TMEM132A: variants seen among roughly 807,000 people sequenced by gnomAD.
The protein encoded by TMEM132A is GRP78-binding protein.
A neutral mutation model predicts 69.9 loss-of-function variants in TMEM132A; 48 were observed. That is an observed-to-expected ratio of 0.69 (90% CI 0.55 to 0.87). The LOEUF (loss-of-function observed/expected upper bound fraction) is 0.87. Ranked by LOEUF, TMEM132A falls within the 40% of genes least tolerant of loss-of-function variation. TMEM132A has a pLI of 0.00. For synonymous variants in TMEM132A, 577 were observed against 613.7 expected (o/e 0.94, Z 0.88); for missense variants, 1,287 against 1,407.2 (o/e 0.91, Z 1.37).
intron 8 of TMEM132A, 139 bp from the exon 9 acceptor site, chr11:60,934,349 G>T (rs937964690): frequency 1.3e-6 from 1 of 774,548 alleles, no homozygotes; most frequent in Non-Finnish European, 1.8e-6. Flanking sequence ...CAAGAGGGGC[G>T]GATGTCTGCG....
At chr11:60,928,054 G>T (rs1221026578) in intron 3 of TMEM132A, among the ~76,000 whole-genome samples, 195 bp downstream of exon 3, 2 of 152,212 alleles carry the variant, frequency 1.3e-5, no homozygotes, top group Non-Finnish European at 1.5e-5. Context: ...AGTCCTTGGT[G>T]TGTGACTTTG....
chr11:60,933,607 AG>A lies in TMEM132A; in HGVS notation c.1423del (p.Val475TrpfsTer14). On this transcript the variant is annotated frameshift_variant, in exon 8 of 11. Transcript: ENST00000453848. LOFTEE classifies it high-confidence loss of function. The stretch of plus-strand genomic sequence containing the variant: ...AGAGCCGGGGCGCCCGGGGGGTGCG[AG>A]TGGACTTCTGGTGGCGCCGGCTCCG... ...KESRGARGVR[V>X]DFWWRRLRAS... is the part of the protein sequence containing the mutation. 3.1e-6 allele frequency: 5 copies of A among 1,606,902 alleles called. No individual in the cohort carries two copies. The highest frequency in any genetic ancestry group is 4.2e-6 in the Non-Finnish European group (5 of 1,179,310).
At position 60,935,078 on chromosome 11, in the gene TMEM132A, A is replaced by G. The variant is rs1055171603; in HGVS notation, c.1837-174A>G. ...GGGGTGCAAAGAGTAGAGGGATAGT[A>G]GCCCATGAGCCTGCTGGGAGTACCC... On this transcript the variant is annotated intron_variant, in intron 9 of 10. Coordinates refer to ENST00000453848, the MANE Select transcript of TMEM132A (RefSeq NM_178031.3). This position sits in a 1 kb window ranked among gnomAD's most constrained non-coding sequence, Gnocchi z 5.0. Among the ~76,000 whole-genome samples the G allele has an allele frequency of 2.0e-5, 3 of 152,002 alleles. No homozygotes were observed. Among genetic ancestry groups the G allele is most frequent in the Non-Finnish European group, 4.4e-5 (3 of 67,986 alleles).
chr11:60,934,960 A>G (rs895266849), intron 9 of TMEM132A, among the ~76,000 whole-genome samples, 196 bp downstream of exon 9: 1 of 152,140 alleles, frequency 6.6e-6, no homozygotes, highest in Non-Finnish European at 1.5e-5. Flanking sequence ...CCCTCTAGCT[A>G]TGAAGGGCTG....
chr11:60,929,418 T>C (rs1856427645), intron 4 of TMEM132A, among the ~76,000 whole-genome samples: 1 of 152,214 alleles, frequency 6.6e-6, no homozygotes, highest in African/African-American at 2.4e-5. Context: ...GAGCTTGCTC[T>C]TCCCCATAGG....
chr11:60,927,903 A>C (rs575955), intron 3 of TMEM132A, 44 bp downstream of exon 3: 1 of 1,542,712 alleles, frequency 6.5e-7, no homozygotes, highest in Non-Finnish European at 8.8e-7. Flanking sequence ...CTGCAGCTGC[A>C]TCAGCCAGGT....
rs774467088 is a variant in TMEM132A at position 60,928,974 on chromosome 11, C to T, written c.866+14C>T. 1 of 1,611,010 alleles carries T rather than the reference C, an allele frequency of 6.2e-7. No individual in the cohort carries two copies. Among genetic ancestry groups the T allele is most frequent in the African/African-American group, 1.3e-5 (1 of 74,940 alleles). Reference sequence around the variant, plus strand: ...CCTGACCCTGCGGTGAGCACCAGGCCACGGGGATGGGTGAGGGTGGGAACC... The same window carrying T: ...CCTGACCCTGCGGTGAGCACCAGGCTACGGGGATGGGTGAGGGTGGGAACC... On this transcript the variant is annotated intron_variant, in intron 4 of 10. Coordinates refer to ENST00000453848, the MANE Select transcript of TMEM132A (RefSeq NM_178031.3).
chr11:60,934,840 T>C (rs985629994), intron 9 of TMEM132A, 76 bp downstream of exon 9: 15 of 1,437,112 alleles, frequency 1.0e-5, no homozygotes, highest in African/African-American at 2.8e-5. Flanking sequence ...TGGGTGGGAG[T>C]GAAGAGTGTG....
Position 60,935,296 on chromosome 11 carries a change from G to C in TMEM132A, c.1881G>C (p.Leu627=). The C allele has an allele frequency of 6.2e-7, 1 of 1,612,788 alleles. No individual in the cohort carries two copies. The highest frequency in any genetic ancestry group is 8.5e-7 in the Non-Finnish European group (1 of 1,179,714). The stretch of plus-strand genomic sequence containing the variant: ...ACTCCATCCTGGGGGAGCAGGCGCT[G>C]GCTGTGACGGACGACAAGGTCTCAG... ...LSDSILGEQA[L]AVTDDKVSVL... is the part of the protein sequence containing the mutation. The change falls in exon 10 of 11, where the codon CTG becomes CTC. Residue 627 remains leucine (L), a synonymous_variant. Transcript: ENST00000453848. The surrounding 1 kb of genome is among the most constrained non-coding windows in gnomAD (Gnocchi z 5.0).
Position 60,927,648 on chromosome 11 carries a change from C to T in TMEM132A, c.323C>T (p.Pro108Leu), listed in dbSNP as rs746155825. 2 of 1,610,710 alleles carry T rather than the reference C, an allele frequency of 1.2e-6. No individual in the cohort carries two copies. The highest frequency in any genetic ancestry group is 1.7e-6 in the Non-Finnish European group (2 of 1,179,180). ...YPPFATQQVVPPRVTEPHQRP... is the reference protein window; with the variant it reads ...YPPFATQQVVLPRVTEPHQRP... The stretch of plus-strand genomic sequence containing the variant: ...CTCTCATTCTCCCTCCAGGTGGTCC[C>T]CCCTCGAGTCACTGAGCCCCACCAA... The change falls in exon 3 of 11, where the codon CCC becomes CTC. Residue 108 changes from proline to leucine, a missense_variant. Coordinates refer to ENST00000453848, the MANE Select transcript of TMEM132A (RefSeq NM_178031.3).
At chr11:60,927,029 T>C in intron 1 of TMEM132A, 175 bp from the exon 2 acceptor site, 1 of 670,562 alleles carries the variant, frequency 1.5e-6, no homozygotes, top group South Asian at 1.6e-5. Context: ...ACTACCTGTG[T>C]GAGGCTCTTT....
At chr11:60,934,786 G>A (rs1856553537) in intron 9 of TMEM132A, 22 bp downstream of exon 9, 2 of 1,578,484 alleles carry the variant, frequency 1.3e-6, no homozygotes, top group African/African-American at 1.3e-5. Flanking sequence ...GGGACCAGGA[G>A]AGTAGACCCC....
intron 5 of TMEM132A, 42 bp downstream of exon 5, chr11:60,930,701 C>G (rs1856460552): frequency 1.3e-6 from 2 of 1,571,694 alleles, no homozygotes; most frequent in Non-Finnish European, 1.7e-6. Context: ...GGAGGGAGGG[C>G]TGGTTATAGA....
chr11:60,927,621 C>T lies in TMEM132A; in HGVS notation c.316-20C>T, dbSNP rs1229054028. 6.3e-7 allele frequency: 1 copy of T among 1,593,748 alleles called. No individual in the cohort carries two copies. Among genetic ancestry groups the T allele is most frequent in the Non-Finnish European group, 8.6e-7 (1 of 1,169,318 alleles). On this transcript the variant is annotated intron_variant, in intron 2 of 10. Coordinates refer to ENST00000453848, the MANE Select transcript of TMEM132A (RefSeq NM_178031.3). ...CCTCCCAAGCTCCTCTTTTGTTAAG[C>T]CCTCTCATTCTCCCTCCAGGTGGTC...
At chr11:60,932,268 G>C (rs79290984) in intron 7 of TMEM132A, 141 bp downstream of exon 7, 23,952 of 1,030,582 alleles carry the variant, frequency 0.023, 359 homozygotes, top group Middle Eastern at 0.061. Flanking sequence ...AGGAACCACA[G>C]CTTCAACTTC....
In TMEM132A at chr11:60,935,605, A is replaced by G; in HGVS notation, c.2028+162A>G. ...GAGCTCTCTGCAGCTGGAGGTGATC[A>G]AGCAGTGGCTGGAGTATGGCAGTGG... On this transcript the variant is annotated intron_variant, in intron 10 of 10. Transcript: ENST00000453848. The surrounding 1 kb of genome is among the most constrained non-coding windows in gnomAD (Gnocchi z 5.0). The G allele has an allele frequency of 2.4e-6, 2 of 843,618 alleles. No individual in the cohort carries two copies. Among genetic ancestry groups the G allele is most frequent in the Non-Finnish European group, 3.6e-6 (2 of 554,356 alleles). The allele number at this position is 843,618 out of a possible 1,614,324, so 52.3% of individuals were successfully genotyped here.
In TMEM132A at chr11:60,930,959, C is replaced by T. The variant is rs555815213; in HGVS notation, c.1016+300C>T. Among the ~76,000 whole-genome samples the T allele has an allele frequency of 4.1e-4, 62 of 152,198 alleles. 1 individual carries two copies. Among genetic ancestry groups the T allele is most frequent in the Non-Finnish European group, 7.1e-4 (48 of 68,036 alleles). On this transcript the variant is annotated intron_variant, in intron 5 of 10. Coordinates refer to ENST00000453848, the MANE Select transcript of TMEM132A (RefSeq NM_178031.3). ...AGCCCTCATAGCCACTACTCCATCC[C>T]CCTGCTTCCACCAAATGATCCTTTC...
chr11:60,931,854 G>T lies in TMEM132A; in HGVS notation c.1182G>T (p.Arg394=). The change falls in exon 6 of 11, where the codon CGG becomes CGT. Residue 394 remains arginine, a synonymous_variant. Transcript: ENST00000453848. ...TGTGGGAAATCCTGGTGTCTGAGCG[G>T]GACATCAGAGCCCTTATCCCACTGG... ...KMVWEILVSE[R]DIRALIPLAK... 1 of 1,614,240 alleles carries T rather than the reference G, an allele frequency of 6.2e-7. No homozygotes were observed. Among genetic ancestry groups the T allele is most frequent in the East Asian group, 2.2e-5 (1 of 44,882 alleles).
At chr11:60,930,425 GCTT>G in intron 4 of TMEM132A, 82 bp from the exon 5 acceptor site, 1 of 1,463,392 alleles carries the variant, frequency 6.8e-7, no homozygotes, top group Non-Finnish European at 9.1e-7. Flanking sequence ...AGGTCAGATG[GCTT>G]TGGCTCCTTG....
Sources: allele counts gnomAD v4.1 joint callset (sites outside exome capture counted in the v4.1 genomes callset), GRCh38; gene constraint gnomAD v4.1.1; non-coding constraint Gnocchi (gnomAD v3.1); transcripts MANE v1.5; gene names NCBI Gene and HGNC (gene_info 2026-07-23, HGNC 2026-07-21).